Variants in DNAAF9 observed in about 807,000 individuals in gnomAD.
The protein encoded by DNAAF9 is dynein axonemal assembly factor 9.
A neutral mutation model predicts 167.0 loss-of-function variants in DNAAF9; 90 were observed. That is an observed-to-expected ratio of 0.54 (90% CI 0.45 to 0.64). The LOEUF (loss-of-function observed/expected upper bound fraction) is 0.64, where lower values mean the gene tolerates loss of function less well. Ranked by LOEUF, DNAAF9 falls within the 30% of genes least tolerant of loss-of-function variation. The pLI is 0.00. For synonymous variants in DNAAF9, 491 were observed against 508.8 expected (o/e 0.96, Z 0.47); for missense variants, 1,315 against 1,442.2 (o/e 0.91, Z 1.43).
At chr20:3,374,179 C>T in intron 5 of DNAAF9, 25 bp from the exon 6 acceptor site, 3 of 1,440,932 alleles carry the variant, frequency 2.1e-6, no homozygotes, top group Non-Finnish European at 2.9e-6. Flanking sequence ...TACAACAACA[C>T]ATATCAGATA....
Position 3,340,622 on chromosome 20 carries a change from A to AAT in DNAAF9, c.861_862dup (p.Phe288TyrfsTer14), listed in dbSNP as rs755234236. 2.5e-6 allele frequency: 4 copies of AAT among 1,613,946 alleles called. No individual in the cohort carries two copies. The highest frequency in any genetic ancestry group is 3.4e-6 in the Non-Finnish European group (4 of 1,179,948). Reference sequence around the variant, plus strand: ...TGTGGAGTGATTACCAAAGAGAACAAATGGCTGCCGGTTAGGGCTAGAGAG... The same window carrying AAT: ...TGTGGAGTGATTACCAAAGAGAACAAATATGGCTGCCGGTTAGGGCTAGAGAG... On this transcript the variant is annotated frameshift_variant, in exon 10 of 37. Transcript: ENST00000252032. LOFTEE classifies it high-confidence loss of function.
chr20:3,299,275 T>C (rs1269739981), intron 21 of DNAAF9, among the ~76,000 whole-genome samples: 2 of 152,210 alleles, frequency 1.3e-5, no homozygotes, highest in Admixed American at 1.3e-4. Context: ...TTCATTCTTT[T>C]GCACACGGAT....
intron 13 of DNAAF9, among the ~76,000 whole-genome samples, chr20:3,325,228 G>A (rs2069689654): frequency 6.6e-6 from 1 of 152,342 alleles, no homozygotes; most frequent in African/African-American, 2.4e-5. Flanking sequence ...AACCTGACGT[G>A]CTGGATCCAG....
rs186319913 is a variant in DNAAF9 at position 3,268,093 on chromosome 20, A to G, written c.2786+2334T>C. Among the ~76,000 whole-genome samples, 395 of 147,624 alleles carry G rather than the reference A, an allele frequency of 2.7e-3. 4 individuals are homozygous for G. The highest frequency in any genetic ancestry group is 0.018 in the East Asian group (88 of 4,994). On this transcript the variant is annotated intron_variant, in intron 30 of 36. Coordinates refer to ENST00000252032, the MANE Select transcript of DNAAF9 (RefSeq NM_001009984.3). ...GCCCAGGCTGGAGTGCAATGGCATG[A>G]TCTTGGCTCACTGCAACCTCCGCCT...
intron 10 of DNAAF9, 71 bp downstream of exon 10, chr20:3,340,433 T>TGCGGGGGGCCCCCCCCCCCC: frequency 4.5e-6 from 1 of 221,214 alleles, no homozygotes; most frequent in Non-Finnish European, 9.5e-6. Flanking sequence ...TTTGTCTAGC[T>TGCGGGGGGCCCCCCCCCCCC]CCCCCCACCC....
rs2083482794 is a variant in DNAAF9 at position 3,369,647 on chromosome 20, G to T, written c.612+4401C>A. ...CTGCCTCAGCCTCCCAAAGTGCTGG[G>T]ATTACAGGTGTGAGCCACCAAGCCC... On this transcript the variant is annotated intron_variant, in intron 6 of 36. Transcript: ENST00000252032. 2.0e-5 allele frequency among the ~76,000 whole-genome samples: 3 copies of T among 152,184 alleles called. No individual in the cohort carries two copies. The South Asian group carries it at 6.2e-4, about 31-fold the overall frequency.
Position 3,322,715 on chromosome 20 carries a change from A to C in DNAAF9, c.1266-19T>G. ...CTTGGAGCTGTAGACCAGAAACAAA[A>C]CAAAAGAAAAATCAGTCTGCTCCTG... On this transcript the variant is annotated intron_variant, in intron 14 of 36. Transcript: ENST00000252032. 6.2e-7 allele frequency: 1 copy of C among 1,604,162 alleles called. No individual in the cohort carries two copies. The highest frequency in any genetic ancestry group is 8.5e-7 in the Non-Finnish European group (1 of 1,171,034).
At chr20:3,254,952 G>A (rs966473660) in intron 35 of DNAAF9, among the ~76,000 whole-genome samples, 3 of 152,222 alleles carry the variant, frequency 2.0e-5, no homozygotes, top group African/African-American at 7.2e-5. Flanking sequence ...AGGTGCCAAG[G>A]CAGGGCTTCT....
At chr20:3,370,913 T>C (rs182170462) in intron 6 of DNAAF9, among the ~76,000 whole-genome samples, 95 of 152,250 alleles carry the variant, frequency 6.2e-4, no homozygotes, top group Non-Finnish European at 1.3e-3. Flanking sequence ...CATCTGCAAA[T>C]GCCTGGTTGA....
intron 18 of DNAAF9, 48 bp downstream of exon 18, chr20:3,316,675 T>C: frequency 7.2e-7 from 1 of 1,380,728 alleles, no homozygotes; most frequent in Non-Finnish European, 1.0e-6. Flanking sequence ...GTGTTCACCC[T>C]GATTTCTCCA....
At chr20:3,264,359 C>CCCTTTT in intron 31 of DNAAF9, 79 bp downstream of exon 31, 1 of 729,904 alleles carries the variant, frequency 1.4e-6, no homozygotes. Context: ...TTCACCTTCT[C>CCCTTTT]TCTTTTTTTT....
chr20:3,281,846 A>G (rs1301652116), intron 27 of DNAAF9, 80 bp from the exon 28 acceptor site: 1 of 1,465,250 alleles, frequency 6.8e-7, no homozygotes, highest in Admixed American at 2.0e-5. Flanking sequence ...CGAATGGCTG[A>G]TTGAACAAGG....
chr20:3,296,372 G>T, intron 23 of DNAAF9: 1 of 320,076 alleles, frequency 3.1e-6, no homozygotes, highest in South Asian at 2.7e-5. Flanking sequence ...CCTGGCAGTG[G>T]GGACATTTTT....
chr20:3,270,485 T>C lies in DNAAF9; in HGVS notation c.2728A>G (p.Ile910Val). ...GCTGCAGCAGGATTGGCAGCCCTGA[T>C]GAGGCTCTGCAGCTGAACAAGGAGA... ...HPLLVQLQSLIRAANPAAAFI... is the reference protein window; with the variant it reads ...HPLLVQLQSLVRAANPAAAFI... Residue 910 changes from isoleucine to valine, a missense_variant, in exon 30 of 37, where the codon ATC (isoleucine) becomes GTC (valine). This residue lies in a region of DNAAF9 where 334 missense variants were observed against 429.7 expected (regional missense o/e 0.78). Coordinates refer to ENST00000252032, the MANE Select transcript of DNAAF9 (RefSeq NM_001009984.3). The C allele has an allele frequency of 6.2e-7, 1 of 1,612,644 alleles. No homozygotes were observed. Among genetic ancestry groups the C allele is most frequent in the Non-Finnish European group, 8.5e-7 (1 of 1,178,792 alleles).
rs796536487 is a variant in DNAAF9 at position 3,349,208 on chromosome 20, A to AAAG, written c.691-586_691-585insCTT. On this transcript the variant is annotated intron_variant, in intron 7 of 36. Coordinates refer to ENST00000252032, the MANE Select transcript of DNAAF9 (RefSeq NM_001009984.3). ...CGTCTCTACCAAAAAAAAAAACAAA[A>AAAG]AAAAAAAAAACACCATGAAAAAAAC... Among the ~76,000 whole-genome samples, 287 of 149,980 alleles carry AAAG rather than the reference A, an allele frequency of 1.9e-3. 5 individuals are homozygous for AAAG. The highest frequency in any genetic ancestry group is 6.8e-3 in the African/African-American group (276 of 40,608).
At chr20:3,404,081 G>C (rs1241904965) in intron 1 of DNAAF9, among the ~76,000 whole-genome samples, 1 of 152,214 alleles carries the variant, frequency 6.6e-6, no homozygotes, top group Non-Finnish European at 1.5e-5. Flanking sequence ...CCACACTGGA[G>C]TGCAATGGCA....
intron 21 of DNAAF9, 133 bp downstream of exon 21, chr20:3,304,307 G>A (rs2069248806): frequency 3.0e-6 from 2 of 675,284 alleles, no homozygotes; most frequent in Middle Eastern, 2.4e-4. Context: ...CTCCCTGCCT[G>A]CCTCAGTGGC....
At chr20:3,358,758 G>A (rs922633963) in intron 7 of DNAAF9, among the ~76,000 whole-genome samples, 3 of 152,136 alleles carry the variant, frequency 2.0e-5, no homozygotes, top group African/African-American at 7.2e-5. Context: ...CCCAGATCTT[G>A]GTTGTTAAAT....
chr20:3,333,257 T>A (rs1311283559), intron 10 of DNAAF9, among the ~76,000 whole-genome samples: 1 of 152,216 alleles, frequency 6.6e-6, no homozygotes, highest in East Asian at 1.9e-4. Flanking sequence ...CCTGTTAAGA[T>A]GTTCATTGAT....
Sources: gnomAD v4.1 joint callset for allele counts (sites outside exome capture counted in the v4.1 genomes callset) on GRCh38, gnomAD v4.1.1 for gene constraint, gnomAD v4.1.1 regional missense constraint, MANE v1.5 for transcripts, NCBI Gene and HGNC (gene_info 2026-07-23, HGNC 2026-07-21) for gene names.